The following GNA14 variants were observed in gnomAD, a reference collection of about 807,000 sequenced individuals.
GNA14 encodes G protein subunit alpha 14.
In GNA14, 50 loss-of-function variants were observed where a neutral mutation model predicts 42.0. The observed-to-expected ratio is 1.19, with a 90% confidence interval of 0.95 to 1.51. The LOEUF (loss-of-function observed/expected upper bound fraction) is 1.51. Among genes scored for constraint, GNA14 ranks in the 40% most tolerant of loss-of-function variants. GNA14 has a pLI of 0.00. For missense variants in GNA14, 473 were observed against 446.2 expected (o/e 1.06, Z -0.54); for synonymous variants, 173 against 163.1 (o/e 1.06, Z -0.46).
intron 2 of GNA14, among the ~76,000 whole-genome samples, chr9:77,457,607 T>A (rs1445784205): frequency 1.3e-5 from 2 of 152,162 alleles, no homozygotes. Flanking sequence ...TGTGAGGTTG[T>A]CCTACTCTTT....
At chr9:77,588,805 C>G (rs1377323232) in intron 1 of GNA14, among the ~76,000 whole-genome samples, 1 of 152,150 alleles carries the variant, frequency 6.6e-6, no homozygotes, top group Non-Finnish European at 1.5e-5. Flanking sequence ...AGAGAATTAA[C>G]AGCTTTCTCT....
At chr9:77,464,017 T>C (rs1162719277) in intron 2 of GNA14, among the ~76,000 whole-genome samples, 1 of 152,214 alleles carries the variant, frequency 6.6e-6, no homozygotes, top group Admixed American at 6.5e-5. Flanking sequence ...TTTTGTTTTT[T>C]TGAGACAGGG....
At chr9:77,622,407 T>C (rs755264483) in intron 1 of GNA14, among the ~76,000 whole-genome samples, 7 of 152,002 alleles carry the variant, frequency 4.6e-5, no homozygotes, top group Non-Finnish European at 1.0e-4. Flanking sequence ...AGTTAGACAA[T>C]GAAGAAACCA....
At chr9:77,573,776 T>C (rs1823093577) in intron 1 of GNA14, among the ~76,000 whole-genome samples, 1 of 152,168 alleles carries the variant, frequency 6.6e-6, no homozygotes, top group Non-Finnish European at 1.5e-5. Context: ...TTTGTTTTTA[T>C]AACTTCTGTC....
At chr9:77,549,756 T>C (rs1415229668) in intron 1 of GNA14, among the ~76,000 whole-genome samples, 1 of 152,112 alleles carries the variant, frequency 6.6e-6, no homozygotes, top group Non-Finnish European at 1.5e-5. Flanking sequence ...TTGGAGGACC[T>C]CATTTCGGCC....
intron 1 of GNA14, among the ~76,000 whole-genome samples, chr9:77,625,701 C>A (rs1057025196): frequency 6.6e-6 from 1 of 152,156 alleles, no homozygotes; most frequent in Admixed American, 6.5e-5. Flanking sequence ...ATTCTGTCAC[C>A]ACCAGGCCTG....
chr9:77,484,618 T>C (rs1361741386), intron 2 of GNA14, among the ~76,000 whole-genome samples: 1 of 152,190 alleles, frequency 6.6e-6, no homozygotes, highest in Non-Finnish European at 1.5e-5. Flanking sequence ...TTTTATATCT[T>C]GTAGTACAGT....
At chr9:77,620,753 A>G (rs1343809510) in intron 1 of GNA14, among the ~76,000 whole-genome samples, 5 of 149,802 alleles carry the variant, frequency 3.3e-5, no homozygotes, top group Non-Finnish European at 7.4e-5. Flanking sequence ...AGGCTGAGGC[A>G]GGAGAATTTG....
At chr9:77,598,436 C>T (rs182844506) in intron 1 of GNA14, among the ~76,000 whole-genome samples, 5 of 152,302 alleles carry the variant, frequency 3.3e-5, no homozygotes, top group South Asian at 2.1e-4. Flanking sequence ...TAGTTTATCA[C>T]GTTACACATT....
rs1423932638 is a variant in GNA14, at chr9:77,648,114, G to C, written c.-321C>G. 1.8e-5 allele frequency: 7 copies of C among 391,818 alleles called. No individual in the cohort carries two copies. Among genetic ancestry groups the C allele is most frequent in the Non-Finnish European group, 1.4e-5 (3 of 217,990 alleles). The allele number at this position is 391,818 out of a possible 1,614,324, so 24.3% of individuals were successfully genotyped here. ...AGCGTTGCTGGCCCCGGGAAGATGCGCGCGCCCCTTGGCACAGGAGCCGGA... is the reference window on the plus strand; with the variant it reads ...AGCGTTGCTGGCCCCGGGAAGATGCCCGCGCCCCTTGGCACAGGAGCCGGA... On this transcript the variant is annotated 5_prime_UTR_variant, in exon 1 of 7. Transcript: ENST00000341700.
At chr9:77,600,541 G>A (rs1181136244) in intron 1 of GNA14, among the ~76,000 whole-genome samples, 1 of 152,122 alleles carries the variant, frequency 6.6e-6, no homozygotes, top group Non-Finnish European at 1.5e-5. Context: ...ATGGCACCCC[G>A]GCGTTGGCAA....
At chr9:77,502,697 C>T (rs1174512801) in intron 2 of GNA14, among the ~76,000 whole-genome samples, 1 of 152,158 alleles carries the variant, frequency 6.6e-6, no homozygotes, top group East Asian at 1.9e-4. Context: ...GGTACCTCTT[C>T]GTGGGAATGT....
intron 1 of GNA14, among the ~76,000 whole-genome samples, chr9:77,629,877 A>T (rs1281837555): frequency 6.6e-6 from 1 of 152,158 alleles, no homozygotes; most frequent in Non-Finnish European, 1.5e-5. Context: ...TTAAAGTATA[A>T]AAAAAAGAAT....
intron 1 of GNA14, among the ~76,000 whole-genome samples, chr9:77,537,772 A>C (rs1423590940): frequency 6.6e-6 from 1 of 152,156 alleles, no homozygotes. Context: ...AGCTATTCTA[A>C]CTAGGGAATG....
At chr9:77,556,608 G>A (rs942207296) in intron 1 of GNA14, among the ~76,000 whole-genome samples, 3 of 152,038 alleles carry the variant, frequency 2.0e-5, no homozygotes, top group Non-Finnish European at 4.4e-5. Context: ...TCACAGCCCA[G>A]GCCACTCACA....
intron 2 of GNA14, among the ~76,000 whole-genome samples, chr9:77,461,551 C>T (rs945017083): frequency 3.3e-5 from 5 of 152,120 alleles, no homozygotes; most frequent in Non-Finnish European, 2.9e-5. Flanking sequence ...TTCTTAGCCT[C>T]GCTCACCATC....
At chr9:77,454,009 C>T (rs1388975146) in intron 2 of GNA14, among the ~76,000 whole-genome samples, 3 of 152,212 alleles carry the variant, frequency 2.0e-5, no homozygotes, top group African/African-American at 7.2e-5. Flanking sequence ...CTTCATGATT[C>T]AGTATCTCTT....
At chr9:77,533,858 A>G (rs1294152529) in intron 1 of GNA14, among the ~76,000 whole-genome samples, 1 of 152,138 alleles carries the variant, frequency 6.6e-6, no homozygotes, top group Non-Finnish European at 1.5e-5. Context: ...CACCTCCACA[A>G]GCTTCCTGTT....
At chr9:77,473,124 T>C (rs60998632) in intron 2 of GNA14, among the ~76,000 whole-genome samples, 4,115 of 152,218 alleles carry the variant, frequency 0.027, 185 homozygotes, top group African/African-American at 0.093. Flanking sequence ...AGTACAAAAC[T>C]TGTACAATGA....
Sources: gnomAD v4.1 joint callset for allele counts (sites outside exome capture counted in the v4.1 genomes callset) on GRCh38, gnomAD v4.1.1 for gene constraint, MANE v1.5 for transcripts, NCBI Gene and HGNC (gene_info 2026-07-23, HGNC 2026-07-21) for gene names.